Variants in NLGN1 observed in about 807,000 individuals in gnomAD.
The protein encoded by NLGN1 is neuroligin-1.
Under a neutral mutation model 65.5 loss-of-function variants are expected in NLGN1, and 12 were observed. That is an observed-to-expected ratio of 0.18 (90% CI 0.12 to 0.30). The LOEUF is 0.30. Among genes scored for constraint, NLGN1 ranks in the 10% least tolerant of loss-of-function variants. The probability of loss-of-function intolerance (pLI) is 1.00; values close to 1 mark genes in which losing one functional copy is unlikely to be tolerated. For missense variants in NLGN1, 750 were observed against 1,007.1 expected (o/e 0.74, Z 3.46); for synonymous variants, 350 against 359.5 (o/e 0.97, Z 0.30).
intron 4 of NLGN1, among the ~76,000 whole-genome samples, chr3:174,119,746 C>T (rs1450923400): frequency 6.6e-6 from 1 of 152,176 alleles, no homozygotes; most frequent in Admixed American, 6.5e-5. Context: ...TTACCTCAAT[C>T]AGAATTTCCC....
At chr3:173,485,254 T>C (rs533736294) in intron 2 of NLGN1, among the ~76,000 whole-genome samples, 129 of 151,480 alleles carry the variant, frequency 8.5e-4, no homozygotes, top group Non-Finnish European at 1.3e-3. Flanking sequence ...TCCCACAACA[T>C]GTGGGAATTA....
At chr3:173,554,876 T>A (rs1741458650) in intron 2 of NLGN1, among the ~76,000 whole-genome samples, 1 of 152,188 alleles carries the variant, frequency 6.6e-6, no homozygotes, top group Non-Finnish European at 1.5e-5. Context: ...AAGTACTGTA[T>A]GTGTGAGAGC....
At chr3:174,146,060 A>G (rs1046078365) in intron 4 of NLGN1, among the ~76,000 whole-genome samples, 1 of 152,148 alleles carries the variant, frequency 6.6e-6, no homozygotes, top group Admixed American at 6.5e-5. Flanking sequence ...ATATGCATGT[A>G]CCTTAATATA....
intron 1 of NLGN1, among the ~76,000 whole-genome samples, chr3:173,433,372 C>T (rs908154138): frequency 6.6e-6 from 1 of 152,146 alleles, no homozygotes. Context: ...CTGTCTGAAA[C>T]CTCTCCTCAC....
chr3:174,111,122 G>T lies in NLGN1; in HGVS notation c.647-164193G>T, dbSNP rs908424849. Reference sequence around the variant, plus strand: ...AGGTATCTTAAAGAGTTAAAATGTTGTAGTTTTCATAACTATTAGATTTTA... The same window carrying T: ...AGGTATCTTAAAGAGTTAAAATGTTTTAGTTTTCATAACTATTAGATTTTA... On this transcript the variant is annotated intron_variant, in intron 4 of 6. Transcript: ENST00000457714. Among the ~76,000 whole-genome samples the T allele has an allele frequency of 3.3e-5, 5 of 151,888 alleles. No homozygotes were observed. The East Asian group carries it at 9.6e-4, about 29-fold the overall frequency.
chr3:174,210,368 G>A (rs1736230128), intron 4 of NLGN1, among the ~76,000 whole-genome samples: 1 of 152,104 alleles, frequency 6.6e-6, no homozygotes, highest in African/African-American at 2.4e-5. Context: ...AGCACCTTCA[G>A]GTATATCTGG....
At chr3:173,484,545 T>G (rs1223150067) in intron 2 of NLGN1, among the ~76,000 whole-genome samples, 1 of 152,112 alleles carries the variant, frequency 6.6e-6, no homozygotes, top group African/African-American at 2.4e-5. Flanking sequence ...CATATTTCTC[T>G]TAGAATCTTA....
At chr3:174,115,743 A>G (rs563488695) in intron 4 of NLGN1, among the ~76,000 whole-genome samples, 2 of 152,320 alleles carry the variant, frequency 1.3e-5, no homozygotes, top group African/African-American at 4.8e-5. Flanking sequence ...ACAAAGCTCT[A>G]GGGTTTAAAA....
intron 4 of NLGN1, among the ~76,000 whole-genome samples, chr3:174,049,501 A>G (rs1411020439): frequency 6.6e-6 from 1 of 152,048 alleles, no homozygotes; most frequent in Non-Finnish European, 1.5e-5. Context: ...CACAGTAGAA[A>G]TGAAAAGATC....
At chr3:173,415,501 A>G (rs921890434) in intron 1 of NLGN1, among the ~76,000 whole-genome samples, 21 of 152,224 alleles carry the variant, frequency 1.4e-4, no homozygotes, top group Admixed American at 7.2e-4. Context: ...TGATGTAGAT[A>G]TAAGTTGACA....
chr3:173,539,464 T>C (rs1430235677), intron 2 of NLGN1, among the ~76,000 whole-genome samples: 3 of 145,892 alleles, frequency 2.1e-5, no homozygotes, highest in African/African-American at 7.5e-5. Context: ...TACATGTACA[T>C]ATGTATATAC....
intron 3 of NLGN1, among the ~76,000 whole-genome samples, chr3:173,660,658 T>C (rs1179214197): frequency 1.3e-5 from 2 of 151,968 alleles, no homozygotes; most frequent in East Asian, 1.9e-4. Context: ...AACAATTACA[T>C]GGGACAAAAA....
intron 4 of NLGN1, among the ~76,000 whole-genome samples, chr3:173,836,670 C>T (rs1723683316): frequency 2.6e-5 from 4 of 152,098 alleles, no homozygotes; most frequent in Non-Finnish European, 5.9e-5. Flanking sequence ...GAAAAACTTC[C>T]TTGATTTTTG....
At chr3:173,800,359 T>A (rs1309227106) in intron 3 of NLGN1, 1 of 1,179,018 alleles carries the variant, frequency 8.5e-7, no homozygotes, top group East Asian at 6.7e-5. Context: ...GAAGGTATTT[T>A]TTTTCACCAA....
rs554812443 is a variant in NLGN1, at chr3:174,210,462, A to G, written c.647-64853A>G. ...ATAGTAGGCCAGATTAATGGAGGCA[A>G]CTGGTGTTGGCAATGGTGGCAGGGG... On this transcript the variant is annotated intron_variant, in intron 4 of 6. Transcript: ENST00000457714. Among the ~76,000 whole-genome samples the G allele has an allele frequency of 2.0e-4, 31 of 152,338 alleles. No individual in the cohort carries two copies. The South Asian group carries it at 6.2e-3, about 31-fold the overall frequency.
At chr3:173,625,707 A>G (rs771496920) in intron 3 of NLGN1, among the ~76,000 whole-genome samples, 2 of 152,176 alleles carry the variant, frequency 1.3e-5, no homozygotes, top group Non-Finnish European at 1.5e-5. Flanking sequence ...TAAAATAATG[A>G]GGTTAAGGAG....
chr3:174,107,456 GTGTA>G (rs1293936454), intron 4 of NLGN1, among the ~76,000 whole-genome samples: 35 of 152,098 alleles, frequency 2.3e-4, no homozygotes, highest in Admixed American at 2.3e-3. Context: ...AGGTGATTGT[GTGTA>G]TTAATAGATC....
intron 4 of NLGN1, among the ~76,000 whole-genome samples, chr3:174,237,252 A>G (rs1458810644): frequency 1.3e-5 from 2 of 152,192 alleles, no homozygotes; most frequent in African/African-American, 4.8e-5. Flanking sequence ...TAGACCTGAA[A>G]GCTTACATTA....
intron 4 of NLGN1, among the ~76,000 whole-genome samples, chr3:174,206,057 C>T (rs905720836): frequency 6.6e-6 from 1 of 152,138 alleles, no homozygotes; most frequent in African/African-American, 2.4e-5. Context: ...AATTTAGCAA[C>T]TGAGAAAATA....
Sources: gnomAD v4.1 joint callset for allele counts (sites outside exome capture counted in the v4.1 genomes callset) on GRCh38, gnomAD v4.1.1 for gene constraint, MANE v1.5 for transcripts, NCBI Gene and HGNC (gene_info 2026-07-23, HGNC 2026-07-21) for gene names.